Variants in SEMA5A observed in about 807,000 individuals in gnomAD.
SEMA5A encodes the protein semaphorin 5A.
Under a neutral mutation model 135.5 loss-of-function variants are expected in SEMA5A, and 55 were observed. The observed-to-expected ratio is 0.41, with a 90% confidence interval of 0.33 to 0.51. The LOEUF is 0.51. Among genes scored for constraint, SEMA5A ranks in the 20% least tolerant of loss-of-function variants. The probability of loss-of-function intolerance (pLI) is 0.37; values close to 1 mark genes in which losing one functional copy is unlikely to be tolerated. For synonymous variants in SEMA5A, 580 were observed against 546.5 expected, an observed-to-expected ratio of 1.06 and a Z score of -0.85; for missense variants, 1,290 against 1,419.9, an observed-to-expected ratio of 0.91 and a Z score of 1.47.
chr5:9,401,283 C>T (rs540363459), intron 2 of SEMA5A, among the ~76,000 whole-genome samples: 5 of 152,290 alleles, frequency 3.3e-5, no homozygotes, highest in Middle Eastern at 3.4e-3. Context: ...CACTATGTAT[C>T]ACAAGTGCTT....
chr5:9,155,000 C>T lies in SEMA5A; in HGVS notation c.1274-305G>A, dbSNP rs1806149. On this transcript the variant is annotated intron_variant, in intron 11 of 22. Coordinates refer to ENST00000382496, the MANE Select transcript of SEMA5A (RefSeq NM_003966.3). ...GGGATGGAGAGCTCAAAGTAGCAAG[C>T]TTTGTGCCATCCCATGGAAAACATC... Among the ~76,000 whole-genome samples the T allele has an allele frequency of 1.2e-3, 184 of 152,258 alleles. 1 individual carries two copies. The highest frequency in any genetic ancestry group is 4.2e-3 in the African/African-American group (175 of 41,544).
intron 11 of SEMA5A, among the ~76,000 whole-genome samples, chr5:9,171,159 C>G (rs1054297832): frequency 1.3e-5 from 2 of 152,226 alleles, no homozygotes; most frequent in Non-Finnish European, 2.9e-5. Flanking sequence ...ATCTATTCAA[C>G]TCACACAATT....
intron 2 of SEMA5A, among the ~76,000 whole-genome samples, chr5:9,427,149 A>T (rs1185794528): frequency 6.6e-6 from 1 of 152,128 alleles, no homozygotes; most frequent in Non-Finnish European, 1.5e-5. Flanking sequence ...CAGCTCTACT[A>T]AAAATGTAAA....
chr5:9,362,182 T>C (rs1197736808), intron 3 of SEMA5A, among the ~76,000 whole-genome samples: 1 of 152,174 alleles, frequency 6.6e-6, no homozygotes, highest in Non-Finnish European at 1.5e-5. Flanking sequence ...CTGGCCTCCC[T>C]GCTCATCAGG....
rs373306299 is a variant in SEMA5A at position 9,122,665 on chromosome 5, T to C, written c.1772A>G (p.Asn591Ser). 21 of 1,599,842 alleles carry C rather than the reference T, an allele frequency of 1.3e-5. No individual in the cohort carries two copies. The highest frequency in any genetic ancestry group is 4.0e-5 in the African/African-American group (3 of 74,682). The change falls in exon 14 of 23, where the codon AAC (asparagine) becomes AGC (serine). Residue 591 changes from asparagine (N) to serine (S), a missense_variant. Physicochemically the swap from Asn to Ser is conservative, Grantham distance 46. Around this residue, in one of 3 missense-constraint regions of SEMA5A, gnomAD observed 1,029 missense variants for 1,086.6 expected, o/e 0.95. Transcript: ENST00000382496. ...QCEGPGMEIA[N>S]CSRNGGWTPW... is the part of the protein sequence containing the mutation. ...GTTCTGAGCGGCACACCTGGAACAG[T>C]TGGCGATCTCCATGCCAGGGCCCTC...
chr5:9,347,743 T>A (rs1273811795), intron 3 of SEMA5A, among the ~76,000 whole-genome samples: 1 of 152,158 alleles, frequency 6.6e-6, no homozygotes, highest in African/African-American at 2.4e-5. Context: ...CAGACAGGCT[T>A]CATGTCCAGA....
intron 3 of SEMA5A, among the ~76,000 whole-genome samples, chr5:9,356,428 A>G (rs1389593711): frequency 6.6e-6 from 1 of 152,148 alleles, no homozygotes; most frequent in Non-Finnish European, 1.5e-5. Flanking sequence ...CTTTAAGAAA[A>G]GGATGAAGGA....
At chr5:9,373,680 C>T (rs1755237243) in intron 3 of SEMA5A, among the ~76,000 whole-genome samples, 1 of 152,210 alleles carries the variant, frequency 6.6e-6, no homozygotes, top group South Asian at 2.1e-4. Flanking sequence ...CCTGATTCTG[C>T]AGGCAGGAGT....
chr5:9,515,728 A>G (rs566311545), intron 1 of SEMA5A, among the ~76,000 whole-genome samples: 1 of 152,340 alleles, frequency 6.6e-6, no homozygotes, highest in South Asian at 2.1e-4. Context: ...CCTTAAGAGC[A>G]ACTGATAAGA....
chr5:9,130,347 G>T (rs980650355), intron 13 of SEMA5A, among the ~76,000 whole-genome samples: 2 of 151,894 alleles, frequency 1.3e-5, no homozygotes, highest in Non-Finnish European at 2.9e-5. Context: ...TGTACGTTTT[G>T]CCATAGAATG....
At chr5:9,334,727 C>T (rs1455385818) in intron 4 of SEMA5A, among the ~76,000 whole-genome samples, 1 of 152,022 alleles carries the variant, frequency 6.6e-6, no homozygotes, top group Non-Finnish European at 1.5e-5. Flanking sequence ...TATAATGTAC[C>T]ACACACTGCT....
chr5:9,126,193 A>G (rs1741101799), intron 13 of SEMA5A, among the ~76,000 whole-genome samples: 1 of 152,162 alleles, frequency 6.6e-6, no homozygotes, highest in South Asian at 2.1e-4. Context: ...AGGCCCCAGC[A>G]GACACCACCA....
At chr5:9,133,430 GCTTAA>G (rs1364711018) in intron 13 of SEMA5A, among the ~76,000 whole-genome samples, 1 of 152,082 alleles carries the variant, frequency 6.6e-6, no homozygotes, top group Non-Finnish European at 1.5e-5. Flanking sequence ...CTTTGTATAT[GCTTAA>G]CTTATCTAAA....
At chr5:9,535,589 G>GA (rs397745544) in intron 1 of SEMA5A, among the ~76,000 whole-genome samples, 2 of 151,756 alleles carry the variant, frequency 1.3e-5, no homozygotes, top group Non-Finnish European at 2.9e-5. Context: ...AAAATGCAGG[G>GA]AGGAGTGGAT....
chr5:9,475,097 T>C (rs1561282675), intron 1 of SEMA5A, among the ~76,000 whole-genome samples: 1 of 152,186 alleles, frequency 6.6e-6, no homozygotes, highest in Non-Finnish European at 1.5e-5. Flanking sequence ...ATGCACCACC[T>C]ACTTTCGTAT....
intron 2 of SEMA5A, among the ~76,000 whole-genome samples, chr5:9,383,659 A>G (rs1755708842): frequency 6.6e-6 from 1 of 152,220 alleles, no homozygotes; most frequent in Non-Finnish European, 1.5e-5. Flanking sequence ...CTAAGAGCAC[A>G]TTCTTTTCTT....
intron 1 of SEMA5A, among the ~76,000 whole-genome samples, chr5:9,519,685 G>A (rs942058532): frequency 1.3e-5 from 2 of 152,168 alleles, no homozygotes; most frequent in African/African-American, 4.8e-5. Flanking sequence ...AACCGTAACT[G>A]TGAAGTATTA....
chr5:9,464,173 C>T (rs1187901049), intron 1 of SEMA5A, among the ~76,000 whole-genome samples: 1 of 152,268 alleles, frequency 6.6e-6, no homozygotes, highest in African/African-American at 2.4e-5. Context: ...CCAAATGTCC[C>T]CTAGGAAACA....
chr5:9,118,225 A>G (rs1024700123), intron 15 of SEMA5A, among the ~76,000 whole-genome samples: 1 of 152,222 alleles, frequency 6.6e-6, no homozygotes, highest in South Asian at 2.1e-4. Flanking sequence ...ATAGCTGAAT[A>G]AGAATCCTGA....
Sources: gnomAD v4.1 joint callset for allele counts (sites outside exome capture counted in the v4.1 genomes callset) on GRCh38, gnomAD v4.1.1 for gene constraint, gnomAD v4.1.1 regional missense constraint, MANE v1.5 for transcripts, NCBI Gene and HGNC (gene_info 2026-07-23, HGNC 2026-07-21) for gene names.